The following ZFP1 variants were observed in gnomAD, a reference collection of about 807,000 sequenced individuals.
ZFP1 encodes ZFP1 zinc finger protein.
A neutral mutation model predicts 38.5 loss-of-function variants in ZFP1; 32 were observed. That is an observed-to-expected ratio of 0.83 (90% confidence interval 0.63 to 1.12). The LOEUF is 1.12. ZFP1 is among the 50% of genes most tolerant of loss of function. ZFP1 has a pLI of 0.00. For synonymous variants in ZFP1, 245 were observed against 168.8 expected (o/e 1.45, Z -3.50); for missense variants, 616 against 480.8 (o/e 1.28, Z -2.63).
chr16:75,119,947 G>T, the ZFP1 span, among the ~76,000 whole-genome samples: 1 of 152,204 alleles, frequency 6.6e-6, no homozygotes, highest in African/African-American at 2.4e-5. Context: ...CTACTAAGTG[G>T]CTTTAGTTAC....
At chr16:75,156,044 G>A (rs1020276015) in intron 2 of ZFP1, among the ~76,000 whole-genome samples, 11 of 152,122 alleles carry the variant, frequency 7.2e-5, no homozygotes, top group Non-Finnish European at 1.5e-4. Flanking sequence ...TAGCTAAGAA[G>A]AAATGAAACC....
At chr16:75,161,943 C>A (rs897339580) in intron 2 of ZFP1, among the ~76,000 whole-genome samples, 55 of 149,722 alleles carry the variant, frequency 3.7e-4, no homozygotes, top group Non-Finnish European at 4.9e-4. Flanking sequence ...CGCTACTGTG[C>A]CCGGCTAATT....
At chr16:75,151,375 C>G (rs1434547753) in intron 1 of ZFP1, among the ~76,000 whole-genome samples, 2 of 152,044 alleles carry the variant, frequency 1.3e-5, no homozygotes, top group African/African-American at 4.8e-5. Flanking sequence ...AGTCTACCAT[C>G]TTGCTGGTTT....
upstream of ZFP1, chr16:75,144,245 G>C (rs574624098): frequency 6.6e-6 from 1 of 152,020 alleles, no homozygotes; most frequent in African/African-American, 2.4e-5. Flanking sequence ...CATTCTCTTC[G>C]TATAGTTCAG....
the ZFP1 span, among the ~76,000 whole-genome samples, chr16:75,134,100 T>C: frequency 1.8e-4 from 27 of 152,210 alleles, no homozygotes; most frequent in African/African-American, 5.3e-4. Flanking sequence ...TCCACCTGGA[T>C]TGGGGGACAG....
At chr16:75,165,697 C>T (rs546320358) in intron 2 of ZFP1, among the ~76,000 whole-genome samples, 30 of 152,086 alleles carry the variant, frequency 2.0e-4, no homozygotes, top group Non-Finnish European at 4.0e-4. Flanking sequence ...GGTTTTAAAT[C>T]AGTTTTGTTA....
At chr16:75,159,867 G>A (rs2037677141) in intron 2 of ZFP1, among the ~76,000 whole-genome samples, 1 of 152,226 alleles carries the variant, frequency 6.6e-6, no homozygotes, top group Non-Finnish European at 1.5e-5. Context: ...ATTTGCAGGT[G>A]TGGGTGTATC....
At position 75,148,648 on chromosome 16, in the gene ZFP1, G is replaced by C. The variant is rs1226433236; in HGVS notation, c.-44+5G>C. The stretch of plus-strand genomic sequence containing the variant: ...GTGGAGGCTGCGCCCCTCCAGGTAC[G>C]AGAGGGGCTTCCAGGTAGCTCCGCG... On this transcript the variant is annotated splice_donor_5th_base_variant and intron_variant, in intron 1 of 3. Coordinates refer to ENST00000570010, the MANE Select transcript of ZFP1 (RefSeq NM_153688.4). The C allele has an allele frequency of 6.6e-6, 1 of 152,266 alleles. No individual in the cohort carries two copies. The highest frequency in any genetic ancestry group is 1.5e-5 in the Non-Finnish European group (1 of 68,090). The allele number at this position is 152,266 out of a possible 1,614,324, so 9.4% of individuals were successfully genotyped here.
intron 1 of ZFP1, among the ~76,000 whole-genome samples, chr16:75,151,598 A>G (rs2037205525): frequency 6.6e-6 from 1 of 152,206 alleles, no homozygotes; most frequent in African/African-American, 2.4e-5. Context: ...TTGGAACATT[A>G]TACTCCCAAT....
intron 3 of ZFP1, among the ~76,000 whole-genome samples, chr16:75,167,868 G>A (rs149222152): frequency 7.2e-5 from 11 of 152,224 alleles, no homozygotes; most frequent in African/African-American, 1.9e-4. Flanking sequence ...AGGCTGAGGC[G>A]GGCAGATCAC....
chr16:75,135,209 C>CATAAAAAAAA, the ZFP1 span, among the ~76,000 whole-genome samples: 1 of 14,954 alleles, frequency 6.7e-5, no homozygotes, highest in Non-Finnish European at 1.1e-4. Context: ...GACCTTATCT[C>CATAAAAAAAA]AAAAAAAAAA....
At chr16:75,168,920 G>T (rs2038255788) in intron 3 of ZFP1, among the ~76,000 whole-genome samples, 1 of 152,134 alleles carries the variant, frequency 6.6e-6, no homozygotes, top group Non-Finnish European at 1.5e-5. Flanking sequence ...AGAACACTGT[G>T]AATCTCCCTC....
chr16:75,143,795 G>T (rs917253524), upstream of ZFP1, among the ~76,000 whole-genome samples: 2 of 151,764 alleles, frequency 1.3e-5, no homozygotes, highest in African/African-American at 4.8e-5. Context: ...GGAACTACAG[G>T]TGCATGCCAC....
upstream of ZFP1, among the ~76,000 whole-genome samples, chr16:75,148,220 G>A (rs926062774): frequency 6.6e-6 from 1 of 152,160 alleles, no homozygotes; most frequent in Non-Finnish European, 1.5e-5. Flanking sequence ...ATTAAATACA[G>A]TTATAGATTA....
At chr16:75,152,833 C>G (rs917331220) in intron 1 of ZFP1, 76 bp from the exon 2 acceptor site, 3 of 1,418,502 alleles carry the variant, frequency 2.1e-6, no homozygotes, top group African/African-American at 1.4e-5. Context: ...CTAGGGGTTT[C>G]TAAACAAGTC....
chr16:75,129,472 T>C, the ZFP1 span, among the ~76,000 whole-genome samples: 2 of 152,158 alleles, frequency 1.3e-5, no homozygotes, highest in East Asian at 3.9e-4. Flanking sequence ...TGCCTCCCAT[T>C]CTATTCAAAG....
chr16:75,120,672 G>T, the ZFP1 span, among the ~76,000 whole-genome samples: 3 of 152,006 alleles, frequency 2.0e-5, no homozygotes, highest in African/African-American at 7.2e-5. Flanking sequence ...CGCAATCTCG[G>T]CTCACTGCAA....
At chr16:75,161,383 C>T (rs1348343005) in intron 2 of ZFP1, among the ~76,000 whole-genome samples, 1 of 151,662 alleles carries the variant, frequency 6.6e-6, no homozygotes, top group Non-Finnish European at 1.5e-5. Context: ...ACACTCACTT[C>T]TGCTTGGGCT....
chr16:75,123,455 G>GTGTGTGTGTA, the ZFP1 span, among the ~76,000 whole-genome samples: 1 of 87,292 alleles, frequency 1.1e-5, no homozygotes, highest in African/African-American at 4.8e-5. Flanking sequence ...GTGTGTATAT[G>GTGTGTGTGTA]TATATATATA....
Sources: allele counts gnomAD v4.1 joint callset (sites outside exome capture counted in the v4.1 genomes callset), GRCh38; gene constraint gnomAD v4.1.1; transcripts MANE v1.5; gene names NCBI Gene and HGNC (gene_info 2026-07-23, HGNC 2026-07-21).